CDH18: variants seen among roughly 807,000 people sequenced by gnomAD.
CDH18 encodes the protein cadherin 18.
Under a neutral mutation model 67.9 loss-of-function variants are expected in CDH18, and 31 were observed. The ratio of observed to expected loss-of-function variants is 0.46; its 90% confidence interval spans 0.34 to 0.62. The LOEUF is 0.62. CDH18 is among the 20% of genes least tolerant of loss of function. The pLI is 0.01. For missense variants in CDH18, 890 were observed against 975.5 expected, an observed-to-expected ratio of 0.91 and a Z score of 1.17; for synonymous variants, 362 against 347.2, an observed-to-expected ratio of 1.04 and a Z score of -0.48.
At chr5:19,606,680 A>G (rs1748097687) in intron 6 of CDH18, among the ~76,000 whole-genome samples, 1 of 151,942 alleles carries the variant, frequency 6.6e-6, no homozygotes, top group African/African-American at 2.4e-5. Context: ...CAAAGACAGT[A>G]ATAGATGAAT....
intron 1 of CDH18, among the ~76,000 whole-genome samples, chr5:19,986,682 T>C (rs1799595804): frequency 6.6e-6 from 1 of 152,172 alleles, no homozygotes; most frequent in African/African-American, 2.4e-5. Flanking sequence ...TGAGGGCAAC[T>C]GCAATCATAA....
intron 2 of CDH18, among the ~76,000 whole-genome samples, chr5:20,059,951 A>G (rs1742313628): frequency 6.6e-6 from 1 of 151,550 alleles, no homozygotes; most frequent in Non-Finnish European, 1.5e-5. Context: ...CAGGGAGGGG[A>G]ACATCACACA....
At chr5:19,907,981 TA>T (rs1248853281) in intron 2 of CDH18, among the ~76,000 whole-genome samples, 1 of 152,068 alleles carries the variant, frequency 6.6e-6, no homozygotes, top group African/African-American at 2.4e-5. Flanking sequence ...ATGGAAGAGT[TA>T]ATCAGACATT....
intron 2 of CDH18, among the ~76,000 whole-genome samples, chr5:20,168,793 G>T (rs900768004): frequency 1.3e-5 from 2 of 152,080 alleles, no homozygotes; most frequent in Non-Finnish European, 2.9e-5. Context: ...CAAACAAAAA[G>T]GAACACTCTT....
At chr5:19,846,131 A>G (rs1209261043) in intron 2 of CDH18, among the ~76,000 whole-genome samples, 1 of 151,738 alleles carries the variant, frequency 6.6e-6, no homozygotes, top group Non-Finnish European at 1.5e-5. Context: ...ATTTCTTTTA[A>G]TTACATTCTT....
chr5:20,391,021 T>C lies in CDH18; in HGVS notation c.-579-135516A>G, dbSNP rs546553889. 2.4e-4 allele frequency among the ~76,000 whole-genome samples: 37 copies of C among 152,078 alleles called. 1 individual carries two copies. Among genetic ancestry groups the C allele is most frequent in the African/African-American group, 8.9e-4 (37 of 41,502 alleles). ...AGAGGGGAGGGATAGCATTTGGAGA[T>C]ATACCTAATGCTAAATGATGAGTTA... On this transcript the variant is annotated intron_variant, in intron 1 of 14. Transcript: ENST00000507958.
chr5:20,280,880 A>C (rs182974383), intron 1 of CDH18, among the ~76,000 whole-genome samples: 1 of 152,140 alleles, frequency 6.6e-6, no homozygotes, highest in African/African-American at 2.4e-5. Context: ...TTGTTTCCTG[A>C]CTTTTAAATG....
intron 3 of CDH18, among the ~76,000 whole-genome samples, chr5:19,835,923 C>T (rs1393991264): frequency 3.9e-5 from 6 of 152,076 alleles, no homozygotes; most frequent in African/African-American, 2.4e-5. Context: ...ACCTCCATCG[C>T]CTCCTGATAT....
chr5:20,187,568 C>T (rs41523345), intron 2 of CDH18, among the ~76,000 whole-genome samples: 3,800 of 151,896 alleles, frequency 0.025, 171 homozygotes, highest in African/African-American at 0.086. Flanking sequence ...TTCCTGCTTG[C>T]AGCTGTCAAA....
Position 19,720,549 on chromosome 5 carries a change from T to C in CDH18, c.643+798A>G, listed in dbSNP as rs146218833. On this transcript the variant is annotated intron_variant, in intron 5 of 12. Coordinates refer to ENST00000382275, the MANE Select transcript of CDH18 (RefSeq NM_004934.5). ...AACAAATTGATTGTCAATGGGGACA[T>C]GTGATTTTTTTATGGTTTTTGGATT... is the stretch of plus-strand genomic sequence containing the variant. Among the ~76,000 whole-genome samples the C allele has an allele frequency of 2.0e-5, 3 of 152,258 alleles. No individual in the cohort carries two copies. The East Asian group carries it at 5.8e-4, about 29-fold the overall frequency.
intron 5 of CDH18, among the ~76,000 whole-genome samples, chr5:19,667,461 G>A (rs983619889): frequency 1.4e-5 from 2 of 147,862 alleles, no homozygotes; most frequent in African/African-American, 4.9e-5. Context: ...TTAATTTCAT[G>A]AGACTTATAA....
At chr5:19,502,913 T>C in intron 11 of CDH18, 79 bp downstream of exon 11, 1 of 839,672 alleles carries the variant, frequency 1.2e-6, no homozygotes, top group African/African-American at 1.7e-5. Flanking sequence ...TGTTTGTGTG[T>C]ATATAAGAAT....
At chr5:19,488,160 C>T (rs1347323363) in intron 11 of CDH18, among the ~76,000 whole-genome samples, 5 of 152,064 alleles carry the variant, frequency 3.3e-5, no homozygotes, top group Non-Finnish European at 7.4e-5. Flanking sequence ...CTGTAGCAAA[C>T]TATAATACAG....
At chr5:19,637,782 C>T (rs950143388) in intron 5 of CDH18, among the ~76,000 whole-genome samples, 16 of 152,102 alleles carry the variant, frequency 1.1e-4, no homozygotes, top group African/African-American at 3.9e-4. Flanking sequence ...TTTCCTCACC[C>T]AACTCCTTGG....
At position 19,807,313 on chromosome 5, in the gene CDH18, T is replaced by A. The variant is rs77581166; in HGVS notation, c.228+31446A>T. 3.8e-3 allele frequency among the ~76,000 whole-genome samples: 571 copies of A among 152,188 alleles called. 1 individual carries two copies. Among genetic ancestry groups the A allele is most frequent in the Non-Finnish European group, 6.5e-3 (439 of 68,012 alleles). ...AACCTGCAGATCCTGCACATAAAAC[T>A]TTAAATAAAACTAAAAATTAAAAAA... On this transcript the variant is annotated intron_variant, in intron 3 of 12. Transcript: ENST00000382275.
chr5:20,327,614 GT>G (rs1366617218), intron 1 of CDH18, among the ~76,000 whole-genome samples: 1 of 152,010 alleles, frequency 6.6e-6, no homozygotes, highest in African/African-American at 2.4e-5. Flanking sequence ...ACAAATAACA[GT>G]TCCTATCCAT....
intron 1 of CDH18, among the ~76,000 whole-genome samples, chr5:20,513,328 T>C (rs1387132303): frequency 6.6e-6 from 1 of 152,096 alleles, no homozygotes; most frequent in Non-Finnish European, 1.5e-5. Context: ...AACACATACA[T>C]CTTCAGAGAG....
chr5:20,139,520 G>A (rs113273193), intron 2 of CDH18, among the ~76,000 whole-genome samples: 2 of 152,270 alleles, frequency 1.3e-5, no homozygotes, highest in South Asian at 2.1e-4. Flanking sequence ...TGCCATCAGA[G>A]TGAACAGGTA....
intron 2 of CDH18, among the ~76,000 whole-genome samples, chr5:20,082,485 A>AT (rs1239935163): frequency 2.6e-5 from 4 of 152,308 alleles, no homozygotes; most frequent in East Asian, 1.9e-4. Context: ...CTATGTAACT[A>AT]TTTTTTGCAA....
Sources: gnomAD v4.1 joint callset for allele counts (sites outside exome capture counted in the v4.1 genomes callset) on GRCh38, gnomAD v4.1.1 for gene constraint, MANE v1.5 for transcripts, NCBI Gene and HGNC (gene_info 2026-07-23, HGNC 2026-07-21) for gene names.